Variants in TALDO1 observed in about 807,000 individuals in gnomAD.
The protein encoded by TALDO1 is transaldolase.
A neutral mutation model predicts 38.1 loss-of-function variants in TALDO1; 29 were observed. The ratio of observed to expected loss-of-function variants is 0.76; its 90% confidence interval spans 0.57 to 1.04. TALDO1 has a LOEUF of 1.04. Among genes scored for constraint, TALDO1 ranks in the 50% least tolerant of loss-of-function variants. The pLI is 0.00. For missense variants in TALDO1, 499 were observed against 438.1 expected, an observed-to-expected ratio of 1.14 and a Z score of -1.24; for synonymous variants, 207 against 176.8, an observed-to-expected ratio of 1.17 and a Z score of -1.36.
chr11:764,243 G>C, intron 6 of TALDO1, 45 bp from the exon 7 acceptor site: 1 of 1,613,828 alleles, frequency 6.2e-7, no homozygotes, highest in Non-Finnish European at 8.5e-7. Context: ...GCCAAGGTGG[G>C]CAGGGACATG....
chr11:763,123 G>A (rs963057277), intron 4 of TALDO1, among the ~76,000 whole-genome samples: 1 of 148,842 alleles, frequency 6.7e-6, no homozygotes, highest in African/African-American at 2.4e-5. Context: ...TGCCTTTTTA[G>A]TTTAAGGCCC....
Position 755,922 on chromosome 11 carries a change from C to G in TALDO1, c.141C>G (p.Ser47=). The G allele has an allele frequency of 6.2e-7, 1 of 1,614,190 alleles. No individual in the cohort carries two copies. Among genetic ancestry groups the G allele is most frequent in the South Asian group, 1.1e-5 (1 of 91,084 alleles). The stretch of plus-strand genomic sequence containing the variant: ...CCCAGGATGCTACCACCAACCCGTC[C>G]CTGATCCTGGCCGCAGCACAGATGC... The part of the protein sequence containing the change: ...YKPQDATTNP[S]LILAAAQMPA... The change falls in exon 2 of 8, where the codon TCC becomes TCG. Residue 47 remains serine, a synonymous_variant. Transcript: ENST00000319006.
chr11:747,556 G>A lies in TALDO1; in HGVS notation c.75G>A (p.Val25=). ...AGCTCAAGCAGTTCACCACCGTGGT[G>A]GCCGACACGGGCGACTTCCACGGTG... ...LDQLKQFTTV[V]ADTGDFHAID... The change falls in exon 1 of 8, where the codon GTG becomes GTA. Residue 25 remains valine (V), a synonymous_variant. Transcript: ENST00000319006. The A allele has an allele frequency of 6.3e-7, 1 of 1,587,488 alleles. No individual in the cohort carries two copies. Among genetic ancestry groups the A allele is most frequent in the Non-Finnish European group, 8.6e-7 (1 of 1,169,526 alleles).
chr11:756,319 CACTT>C (rs1862837354), intron 2 of TALDO1: 4 of 343,810 alleles, frequency 1.2e-5, no homozygotes, highest in Admixed American at 4.3e-5. Context: ...GCTCTGGTAA[CACTT>C]ACCTTCTGGC....
Position 764,376 on chromosome 11 carries a change from C to T in TALDO1, c.924C>T (p.Leu308=), listed in dbSNP as rs1863011548. Reference sequence around the variant, plus strand: ...AGGACCAGATGGCTGTGGAGAAGCTCTCTGACGGGATCCGCAAGTTTGCCG... The same window carrying T: ...AGGACCAGATGGCTGTGGAGAAGCTTTCTGACGGGATCCGCAAGTTTGCCG... ...HNEDQMAVEK[L]SDGIRKFAAD... Residue 308 remains leucine (L), a synonymous_variant, in exon 7 of 8, where the codon CTC becomes CTT. Coordinates refer to ENST00000319006, the MANE Select transcript of TALDO1 (RefSeq NM_006755.2). 1.2e-6 allele frequency: 2 copies of T among 1,613,970 alleles called. No individual in the cohort carries two copies. Among genetic ancestry groups the T allele is most frequent in the Non-Finnish European group, 1.7e-6 (2 of 1,179,876 alleles).
Position 764,853 on chromosome 11 carries a change from C to G in TALDO1, c.*8C>G, listed in dbSNP as rs1211358266. ...GCAGAGAATGGAAAGTAGCGCATCC[C>G]TGAGGCTGGACTCCAGATCTGCACC... On this transcript the variant is annotated 3_prime_UTR_variant, in exon 8 of 8. Transcript: ENST00000319006. 1.2e-6 allele frequency: 2 copies of G among 1,614,026 alleles called. No homozygotes were observed. The highest frequency in any genetic ancestry group is 1.1e-5 in the South Asian group (1 of 91,074).
chr11:759,714 G>A (rs1218240083), intron 3 of TALDO1, among the ~76,000 whole-genome samples: 1 of 151,680 alleles, frequency 6.6e-6, no homozygotes, highest in Non-Finnish European at 1.5e-5. Context: ...CAAGTAGCTG[G>A]GACTACAGAC....
chr11:763,758 G>T lies in TALDO1; in HGVS notation c.649G>T (p.Val217Phe). 6.2e-7 allele frequency: 1 copy of T among 1,614,020 alleles called. No homozygotes were observed. The highest frequency in any genetic ancestry group is 2.2e-5 in the East Asian group (1 of 44,884). The change falls in exon 6 of 8, where the codon GTC (valine) becomes TTC (phenylalanine). Residue 217 changes from valine (V) to phenylalanine (F), a missense_variant. Physicochemically the swap from Val to Phe is conservative, Grantham distance 50. Transcript: ENST00000319006. ...EPLEDPGVKSVTKIYNYYKKF... is the reference protein window; with the variant it reads ...EPLEDPGVKSFTKIYNYYKKF... Reference sequence around the variant, plus strand: ...TGGTCTCTTTCCAGGGGTAAAGAGTGTCACTAAAATCTACAACTACTACAA... The same window carrying T: ...TGGTCTCTTTCCAGGGGTAAAGAGTTTCACTAAAATCTACAACTACTACAA...
Position 763,894 on chromosome 11 carries a change from A to AGCT in TALDO1, c.791_793dup (p.Leu264dup). 1.2e-6 allele frequency: 2 copies of AGCT among 1,613,068 alleles called. No homozygotes were observed. Among genetic ancestry groups the AGCT allele is most frequent in the Non-Finnish European group, 1.7e-6 (2 of 1,179,984 alleles). ...ACCATCTCACCCAAGCTCCTGGGAGAGCTGCTGCAGGACAACGCCAAGCTG... is the reference window on the plus strand; with the variant it reads ...ACCATCTCACCCAAGCTCCTGGGAGAGCTGCTGCTGCAGGACAACGCCAAGCTG... On this transcript the variant is annotated inframe_insertion, in exon 6 of 8. Transcript: ENST00000319006.
At chr11:759,147 AC>A in intron 3 of TALDO1, 90 bp downstream of exon 3, 1 of 1,129,054 alleles carries the variant, frequency 8.9e-7, no homozygotes, top group East Asian at 2.4e-5. Context: ...GGGCTGCTCC[AC>A]CCATGGTCTT....
At chr11:764,212 T>C in intron 6 of TALDO1, 76 bp from the exon 7 acceptor site, 1 of 1,610,968 alleles carries the variant, frequency 6.2e-7, no homozygotes, top group Admixed American at 1.7e-5. Context: ...GGTGCAGCAG[T>C]TCAGGCCCTG....
At chr11:751,802 CAAT>C (rs371535532) in intron 1 of TALDO1, among the ~76,000 whole-genome samples, 3 of 151,542 alleles carry the variant, frequency 2.0e-5, no homozygotes, top group Admixed American at 1.3e-4. Flanking sequence ...CTCAAAATAA[CAAT>C]AATAATAATA....
chr11:754,233 C>T (rs112602989), intron 1 of TALDO1, among the ~76,000 whole-genome samples: 63 of 152,144 alleles, frequency 4.1e-4, no homozygotes, highest in Non-Finnish European at 5.6e-4. Context: ...GATCCACCCC[C>T]GTTGGCCTCC....
Position 747,580 on chromosome 11 carries a change from T to TGAGGACGGCGCG in TALDO1, c.97+6_97+17dup. ...TGGCCGACACGGGCGACTTCCACGG[T>TGAGGACGGCGCG]GAGGACGGCGCGGAGCCCGGGCGCG... On this transcript the variant is annotated splice_region_variant and intron_variant, in intron 1 of 7. Coordinates refer to ENST00000319006, the MANE Select transcript of TALDO1 (RefSeq NM_006755.2). 1 of 1,571,606 alleles carries TGAGGACGGCGCG rather than the reference T, an allele frequency of 6.4e-7. No individual in the cohort carries two copies. The highest frequency in any genetic ancestry group is 8.6e-7 in the Non-Finnish European group (1 of 1,161,902).
At chr11:756,299 AGTCTC>A in intron 2 of TALDO1, 1 of 430,760 alleles carries the variant, frequency 2.3e-6, no homozygotes, top group Admixed American at 3.7e-5. Context: ...TCCTGTAGTC[AGTCTC>A]CCCAGCTCTG....
At chr11:763,695 G>A (rs1862996477) in intron 5 of TALDO1, 52 bp from the exon 6 acceptor site, 2 of 1,600,716 alleles carry the variant, frequency 1.2e-6, no homozygotes, top group African/African-American at 2.7e-5. Context: ...GAGGGCAGGT[G>A]GGGTGGTACC....
chr11:752,685 C>T (rs1862769657), intron 1 of TALDO1, among the ~76,000 whole-genome samples: 1 of 152,026 alleles, frequency 6.6e-6, no homozygotes, highest in African/African-American at 2.4e-5. Context: ...CACCGTGCCC[C>T]TTCTCACATG....
chr11:755,440 A>C lies in TALDO1; in HGVS notation c.98-439A>C, dbSNP rs527569677. Among the ~76,000 whole-genome samples the C allele has an allele frequency of 4.6e-5, 7 of 152,116 alleles. No homozygotes were observed. The East Asian group carries it at 7.7e-4, about 17-fold the overall frequency. ...ATTACAGGCGTGGGCCGCCGCGCCC[A>C]GCTCCCCTTGGCTTCTTGACTCTGT... On this transcript the variant is annotated intron_variant, in intron 1 of 7. Coordinates refer to ENST00000319006, the MANE Select transcript of TALDO1 (RefSeq NM_006755.2).
intron 1 of TALDO1, among the ~76,000 whole-genome samples, chr11:755,267 C>G (rs1378261558): frequency 6.6e-6 from 1 of 151,742 alleles, no homozygotes; most frequent in Admixed American, 6.6e-5. Flanking sequence ...GCCTCAGCCT[C>G]CCGAGTAGCT....
Sources: allele counts gnomAD v4.1 joint callset (sites outside exome capture counted in the v4.1 genomes callset), GRCh38; gene constraint gnomAD v4.1.1; transcripts MANE v1.5; gene names NCBI Gene and HGNC (gene_info 2026-07-23, HGNC 2026-07-21).